SQSTM1: variants seen among roughly 807,000 people sequenced by gnomAD.
SQSTM1 encodes sequestosome-1.
Under a neutral mutation model 45.1 loss-of-function variants are expected in SQSTM1, and 36 were observed. The ratio of observed to expected loss-of-function variants is 0.80; its 90% CI spans 0.61 to 1.05. The LOEUF is 1.05. SQSTM1 is among the 50% of genes least tolerant of loss of function. The pLI, the probability that SQSTM1 is intolerant of heterozygous loss-of-function variation, is 0.00. For synonymous variants in SQSTM1, 290 were observed against 244.3 expected (o/e 1.19, Z -1.74); for missense variants, 617 against 607.1 (o/e 1.02, Z -0.17).
At position 179,806,681 on chromosome 5, in the gene SQSTM1, C is replaced by T; in HGVS notation, c.-157+90C>T. On this transcript the variant is annotated intron_variant, in intron 1 of 5. Coordinates refer to the SQSTM1 transcript ENST00000514093. This position sits in a 1 kb window ranked among gnomAD's most constrained non-coding sequence, Gnocchi z 4.6. ...GGTCGGAAGGCGGCGGCGGCGGCGG[C>T]AGGGGCCCCGGCCCCGGGTCGGGGA... The T allele has an allele frequency of 2.5e-6, 1 of 406,944 alleles. No individual in the cohort carries two copies. The highest frequency in any genetic ancestry group is 3.3e-6 in the Non-Finnish European group (1 of 306,732). The allele number at this position is 406,944 out of a possible 1,614,324, so 25.2% of individuals were successfully genotyped here. A position where few individuals can be genotyped will look rare whatever the true frequency, so the allele number is the denominator to read the frequency against.
intron 1 of SQSTM1, among the ~76,000 whole-genome samples, chr5:179,809,666 C>T (rs1185313398): frequency 1.8e-4 from 13 of 72,980 alleles, no homozygotes; most frequent in African/African-American, 7.2e-4. Context: ...TTTTTTGAAA[C>T]GGAGTCTTGC....
intron 7 of SQSTM1, among the ~76,000 whole-genome samples, chr5:179,834,156 A>AGG (rs4011597): frequency 0.029 from 2,892 of 99,810 alleles, 75 homozygotes; most frequent in Middle Eastern, 0.11. Context: ...CTGGTCTGAG[A>AGG]GGGGGGGGGG....
chr5:179,824,178 C>A lies in SQSTM1; in HGVS notation c.532-4C>A. The stretch of plus-strand genomic sequence containing the variant: ...GCCTGCCGCTCTGCTAATTCCTCCC[C>A]CAGGGCTTCTCGCACAGCCGCTGGC... On this transcript the variant is annotated splice_polypyrimidine_tract_variant and splice_region_variant and intron_variant, in intron 3 of 7. Coordinates refer to ENST00000389805, the MANE Select transcript of SQSTM1 (RefSeq NM_003900.5). 6.2e-7 allele frequency: 1 copy of A among 1,613,800 alleles called. No homozygotes were observed. Among genetic ancestry groups the A allele is most frequent in the Non-Finnish European group, 8.5e-7 (1 of 1,180,042 alleles).
upstream of SQSTM1, among the ~76,000 whole-genome samples, chr5:179,816,133 A>C (rs182673111): frequency 2.6e-5 from 4 of 152,212 alleles, no homozygotes; most frequent in Admixed American, 6.5e-5. Flanking sequence ...TAGATCCTCA[A>C]AGGAGGATAA....
intron 5 of SQSTM1, among the ~76,000 whole-genome samples, chr5:179,831,882 CA>C (rs1248525234): frequency 6.6e-6 from 1 of 151,450 alleles, no homozygotes; most frequent in African/African-American, 2.4e-5. Flanking sequence ...CTCCCAGGTT[CA>C]AGCGATTCTT....
intron 1 of SQSTM1, among the ~76,000 whole-genome samples, chr5:179,822,254 T>C (rs1243957875): frequency 1.3e-5 from 2 of 152,244 alleles, no homozygotes; most frequent in Non-Finnish European, 2.9e-5. Context: ...GTGGCACATA[T>C]CAGAACTAGT....
rs1265247543 is a variant in SQSTM1 at position 179,836,942 on chromosome 5, C to T, written c.*349C>T. The T allele has an allele frequency of 4.9e-6, 3 of 606,984 alleles. No homozygotes were observed. The highest frequency in any genetic ancestry group is 8.7e-6 in the Non-Finnish European group (3 of 343,916). The allele number at this position is 606,984 out of a possible 1,614,324, so 37.6% of individuals were successfully genotyped here. ...TCACTTTCTCTTTTGTTTTAAATGA[C>T]TCATAGGTCCCTGACATTTAGTTGA... is the stretch of plus-strand genomic sequence containing the variant. On this transcript the variant is annotated 3_prime_UTR_variant, in exon 8 of 8. Coordinates refer to ENST00000389805, the MANE Select transcript of SQSTM1 (RefSeq NM_003900.5).
upstream of SQSTM1, among the ~76,000 whole-genome samples, chr5:179,819,790 C>T (rs1757707349): frequency 6.6e-6 from 1 of 152,196 alleles, no homozygotes. Context: ...ACTTCGGAGC[C>T]CTCCGGGAAG....
At chr5:179,823,094 T>C in intron 2 of SQSTM1, 41 bp downstream of exon 2, 2 of 1,564,436 alleles carry the variant, frequency 1.3e-6, no homozygotes, top group Non-Finnish European at 1.8e-6. Context: ...CCAGCTCAGC[T>C]TGTACTCAGT....
chr5:179,823,277 C>T (rs1290625865), intron 2 of SQSTM1, among the ~76,000 whole-genome samples: 1 of 151,652 alleles, frequency 6.6e-6, no homozygotes, highest in Non-Finnish European at 1.5e-5. Context: ...AACAGCCTGG[C>T]CAACATGGTG....
rs772219487 is a variant in SQSTM1, at chr5:179,824,274, A to G, written c.624A>G (p.Pro208=). ...WEMGPPGNWS[P]RPPRAGEARP... ...TGGGTCCACCAGGAAACTGGAGCCC[A>G]CGTCCTCCTCGTGCAGGGGAGGCCC... Residue 208 remains proline, a synonymous_variant, in exon 4 of 8, where the codon CCA becomes CCG. Coordinates refer to ENST00000389805, the MANE Select transcript of SQSTM1 (RefSeq NM_003900.5). 1 of 1,613,794 alleles carries G rather than the reference A, an allele frequency of 6.2e-7. No individual in the cohort carries two copies. Among genetic ancestry groups the G allele is most frequent in the South Asian group, 1.1e-5 (1 of 91,078 alleles).
At chr5:179,811,394 A>C (rs1440816619) in intron 1 of SQSTM1, among the ~76,000 whole-genome samples, 1 of 6,770 alleles carries the variant, frequency 1.5e-4, no homozygotes, top group East Asian at 7.4e-3. Flanking sequence ...GGGAGGAGCT[A>C]TGCAGGGGGA....
chr5:179,820,916 T>C lies in SQSTM1; in HGVS notation c.-21T>C. On this transcript the variant is annotated 5_prime_UTR_variant, in exon 1 of 8. Transcript: ENST00000389805. ...CGGCTGCGACCGGGACGGCCCGTTT[T>C]CCGCCAGCTCGCCGCTCGCTATGGC... 6.6e-7 allele frequency: 1 copy of C among 1,519,208 alleles called. No individual in the cohort carries two copies. 94.1% of individuals were successfully genotyped at this position (1,519,208 alleles called of 1,614,324 possible). A position where few individuals can be genotyped will look rare whatever the true frequency, so the allele number is the denominator to read the frequency against.
chr5:179,815,154 C>T (rs1452593944), upstream of SQSTM1, among the ~76,000 whole-genome samples: 1 of 152,156 alleles, frequency 6.6e-6, no homozygotes, highest in South Asian at 2.1e-4. Context: ...TGGTGGCTCA[C>T]GCCTGTAATC....
upstream of SQSTM1, among the ~76,000 whole-genome samples, chr5:179,819,637 C>G (rs1165210029): frequency 1.3e-5 from 2 of 152,220 alleles, no homozygotes; most frequent in Non-Finnish European, 2.9e-5. Flanking sequence ...TCTGCCAGCA[C>G]GCCCCTCTGT....
intron 2 of SQSTM1, chr5:179,812,468 C>T (rs1230923727): frequency 6.6e-6 from 1 of 152,262 alleles, no homozygotes; most frequent in Non-Finnish European, 1.5e-5. Flanking sequence ...TGTGTACTTC[C>T]ACCTCCGCAG....
intron 7 of SQSTM1, chr5:179,835,504 C>T (rs935616171): frequency 1.7e-4 from 27 of 158,160 alleles, no homozygotes; most frequent in African/African-American, 4.3e-4. Flanking sequence ...GCCAACACAG[C>T]GAAACCCCGT....
chr5:179,837,021 G>T lies in SQSTM1; in HGVS notation c.*428G>T, dbSNP rs1582031343. ...CTGATTTTAGATAAAGTAAGCCTAG[G>T]TGTTGTCAGCAGGCAGGCTGGGGAG... is the stretch of plus-strand genomic sequence containing the variant. On this transcript the variant is annotated 3_prime_UTR_variant, in exon 8 of 8. Transcript: ENST00000389805. 5 of 627,918 alleles carry T rather than the reference G, an allele frequency of 8.0e-6. No homozygotes were observed. In the East Asian group the frequency reaches 1.4e-4, roughly 17 times the overall value. 38.9% of individuals were successfully genotyped at this position (627,918 alleles called of 1,614,324 possible). A position where few individuals can be genotyped will look rare whatever the true frequency, so the allele number is the denominator to read the frequency against.
At chr5:179,829,278 C>A (rs902898195) in intron 5 of SQSTM1, among the ~76,000 whole-genome samples, 11 of 152,128 alleles carry the variant, frequency 7.2e-5, no homozygotes, top group Non-Finnish European at 1.2e-4. Flanking sequence ...GGTGGGGAGT[C>A]CCTGCTGAGG....
Sources: allele counts gnomAD v4.1 joint callset (sites outside exome capture counted in the v4.1 genomes callset), GRCh38; gene constraint gnomAD v4.1.1; non-coding constraint Gnocchi (gnomAD v3.1); transcripts MANE v1.5; gene names NCBI Gene and HGNC (gene_info 2026-07-23, HGNC 2026-07-21).